Variants in HGF observed in about 807,000 individuals in gnomAD.
HGF encodes the protein hepatocyte growth factor.
HGF carries 39 observed loss-of-function variants against 111.6 expected under a neutral mutation model. The observed-to-expected ratio is 0.35, with a 90% CI of 0.27 to 0.46. HGF has a LOEUF of 0.46. HGF is among the 20% of genes least tolerant of loss of function. HGF has a pLI of 1.00. For missense variants in HGF, 735 were observed against 910.5 expected (o/e 0.81, Z 2.48); for synonymous variants, 285 against 294.8 (o/e 0.97, Z 0.34).
At chr7:81,742,694 G>A (rs1470694148) in intron 7 of HGF, 26 of 1,371,696 alleles carry the variant, frequency 1.9e-5, no homozygotes, top group Admixed American at 5.9e-5. Flanking sequence ...TATAAAACAC[G>A]TTAAAAAATA....
intron 7 of HGF, among the ~76,000 whole-genome samples, chr7:81,741,952 A>AG (rs1788023846): frequency 6.7e-6 from 1 of 150,110 alleles, no homozygotes; most frequent in Admixed American, 6.6e-5. Flanking sequence ...AAAAAAAAAA[A>AG]AAAAAAAAAG....
In HGF at chr7:81,725,940, C is replaced by T. The variant is rs1258267427; in HGVS notation, c.1118G>A (p.Arg373Gln). ...PWCFTTDPNI[R>Q]VGYCSQIPNC... ...TGGAATTTGGGAGCAGTAGCCAACT[C>T]GGATGTTTGGATCAGTGGTAAAACA... The change falls in exon 9 of 18, where the codon CGA becomes CAA. Residue 373 changes from arginine (R) to glutamine (Q), a missense_variant. Transcript: ENST00000222390. The T allele has an allele frequency of 1.2e-6, 2 of 1,614,030 alleles. No homozygotes were observed. Among genetic ancestry groups the T allele is most frequent in the Admixed American group, 1.7e-5 (1 of 60,006 alleles).
At chr7:81,735,676 T>G (rs1432056436) in intron 7 of HGF, among the ~76,000 whole-genome samples, 4 of 152,106 alleles carry the variant, frequency 2.6e-5, no homozygotes, top group Admixed American at 6.6e-5. Context: ...TATATTTGTT[T>G]CCAATGGAAA....
At chr7:81,763,478 C>A (rs567019447) in intron 1 of HGF, among the ~76,000 whole-genome samples, 1 of 152,196 alleles carries the variant, frequency 6.6e-6, no homozygotes, top group African/African-American at 2.4e-5. Flanking sequence ...GTCTTGAGAT[C>A]AAGCCAAATG....
rs1229536179 is a variant in HGF at position 81,699,892 on chromosome 7, T to A, written c.*2689A>T. The A allele has an allele frequency of 6.6e-6, 1 of 151,726 alleles. No individual in the cohort carries two copies. Among genetic ancestry groups the A allele is most frequent in the Non-Finnish European group, 1.5e-5 (1 of 67,754 alleles). The allele number at this position is 151,726 out of a possible 1,614,324, so 9.4% of individuals were successfully genotyped here. ...TAGAAATTGACTCAATAGATTTTACTGAGGACCTGCCCACAGCATATAGGT... is the reference window on the plus strand; with the variant it reads ...TAGAAATTGACTCAATAGATTTTACAGAGGACCTGCCCACAGCATATAGGT... On this transcript the variant is annotated 3_prime_UTR_variant, in exon 18 of 18. Coordinates refer to ENST00000222390, the MANE Select transcript of HGF (RefSeq NM_000601.6).
At chr7:81,734,931 G>C (rs1481262395) in intron 7 of HGF, among the ~76,000 whole-genome samples, 1 of 152,076 alleles carries the variant, frequency 6.6e-6, no homozygotes, top group East Asian at 1.9e-4. Flanking sequence ...CAATTCATAG[G>C]CTGGTAGACA....
chr7:81,706,539 A>G lies in HGF; in HGVS notation c.1617-112T>C, dbSNP rs969444645. The stretch of plus-strand genomic sequence containing the variant: ...TTAAGGCACATAACCTAAATTTAAA[A>G]TTTGATTCATAGTATAATAAAGAAC... On this transcript the variant is annotated intron_variant, in intron 14 of 17. Coordinates refer to ENST00000222390, the MANE Select transcript of HGF (RefSeq NM_000601.6). The G allele has an allele frequency of 3.7e-5, 31 of 828,790 alleles. No individual in the cohort carries two copies. In the African/African-American group the frequency reaches 4.3e-4, roughly 12 times the overall value. 51.3% of individuals were successfully genotyped at this position (828,790 alleles called of 1,614,324 possible). A position where few individuals can be genotyped will look rare whatever the true frequency, so the allele number is the denominator to read the frequency against.
intron 7 of HGF, 123 bp downstream of exon 7, chr7:81,743,230 T>C: frequency 1.3e-6 from 1 of 783,822 alleles, no homozygotes. Context: ...ATTCTTAAAA[T>C]ATTAAAACCT....
chr7:81,751,449 C>T (rs1308098114), intron 5 of HGF: 4 of 984,334 alleles, frequency 4.1e-6, no homozygotes, highest in Non-Finnish European at 4.8e-6. Context: ...AGGACAATGC[C>T]CTTTTATGCT....
chr7:81,746,815 G>T (rs1562895951), intron 5 of HGF, among the ~76,000 whole-genome samples: 1 of 152,060 alleles, frequency 6.6e-6, no homozygotes, highest in Non-Finnish European at 1.5e-5. Flanking sequence ...ATAGCTACAT[G>T]AATGAAACAG....
chr7:81,731,274 G>T (rs1356226270), intron 7 of HGF, among the ~76,000 whole-genome samples: 1 of 152,090 alleles, frequency 6.6e-6, no homozygotes, highest in Non-Finnish European at 1.5e-5. Flanking sequence ...CTTTATTGCA[G>T]CCCATTTAAA....
At chr7:81,734,684 G>T (rs1169761249) in intron 7 of HGF, among the ~76,000 whole-genome samples, 1 of 152,126 alleles carries the variant, frequency 6.6e-6, no homozygotes, top group South Asian at 2.1e-4. Flanking sequence ...AAGCCTTGCA[G>T]AGAGGCCACA....
chr7:81,705,185 T>C (rs1380836990), intron 17 of HGF, among the ~76,000 whole-genome samples: 2 of 151,940 alleles, frequency 1.3e-5, no homozygotes, highest in Admixed American at 1.3e-4. Context: ...AATGTCATCA[T>C]AGTTTGCTGC....
intron 5 of HGF, chr7:81,751,825 A>G: frequency 8.3e-7 from 1 of 1,210,202 alleles, no homozygotes; most frequent in Non-Finnish European, 1.0e-6. Flanking sequence ...ATTTTGAGGT[A>G]TGTGAGCTCA....
chr7:81,720,602 T>C, intron 10 of HGF, 143 bp downstream of exon 10: 1 of 644,942 alleles, frequency 1.6e-6, no homozygotes, highest in Non-Finnish European at 2.8e-6. Context: ...TTATGATGAG[T>C]TGTAAAGAAA....
chr7:81,705,588 C>T (rs1397804704), intron 16 of HGF, 53 bp from the exon 17 acceptor site: 3 of 1,601,522 alleles, frequency 1.9e-6, no homozygotes, highest in African/African-American at 1.3e-5. Flanking sequence ...GAAACAAAGA[C>T]AAATGTGTTC....
rs779801717 is a variant in HGF, at chr7:81,769,988, C to A, written c.-17G>T. The A allele has an allele frequency of 5.2e-6, 8 of 1,545,308 alleles. No homozygotes were observed. The South Asian group carries it at 8.3e-5, about 16-fold the overall frequency. On this transcript the variant is annotated 5_prime_UTR_variant, in exon 1 of 18. Transcript: ENST00000222390. ...CACCCACATGGTGCTGCTGGACGGGCTGGCGGATCCCTCTGGAGGAGATGC... is the reference window on the plus strand; with the variant it reads ...CACCCACATGGTGCTGCTGGACGGGATGGCGGATCCCTCTGGAGGAGATGC...
chr7:81,758,547 C>A, intron 3 of HGF, 145 bp downstream of exon 3: 1 of 614,656 alleles, frequency 1.6e-6, no homozygotes, highest in Non-Finnish European at 2.9e-6. Context: ...CTAGTTTCAA[C>A]TGTCTTAATG....
At chr7:81,766,921 C>A (rs1441026312) in intron 1 of HGF, among the ~76,000 whole-genome samples, 1 of 152,188 alleles carries the variant, frequency 6.6e-6, no homozygotes, top group Non-Finnish European at 1.5e-5. Context: ...ATCCATTCTA[C>A]CTCATCTTAC....
Sources: allele counts gnomAD v4.1 joint callset (sites outside exome capture counted in the v4.1 genomes callset), GRCh38; gene constraint gnomAD v4.1.1; transcripts MANE v1.5; gene names NCBI Gene and HGNC (gene_info 2026-07-23, HGNC 2026-07-21).